NEBL: variants seen among roughly 807,000 people sequenced by gnomAD.
NEBL encodes the protein nebulette, also known as LIM and SH3 protein 2.
NEBL carries 122 observed loss-of-function variants against 140.2 expected under a neutral mutation model. The observed-to-expected ratio is 0.87, with a 90% CI of 0.75 to 1.01. The LOEUF (loss-of-function observed/expected upper bound fraction) is 1.01. Ranked by LOEUF, NEBL falls within the 50% of genes least tolerant of loss-of-function variation. The probability of loss-of-function intolerance (pLI) is 0.00; values close to 1 mark genes in which losing one functional copy is unlikely to be tolerated. For synonymous variants in NEBL, 436 were observed against 398.9 expected (o/e 1.09, Z -1.11); for missense variants, 1,365 against 1,231.3 (o/e 1.11, Z -1.62).
chr10:21,198,436 C>T (rs1454038875), intron 3 of NEBL, among the ~76,000 whole-genome samples: 2 of 152,226 alleles, frequency 1.3e-5, no homozygotes, highest in African/African-American at 2.4e-5. Context: ...GTGCACACAG[C>T]ATCCTGCTGA....
intron 3 of NEBL, among the ~76,000 whole-genome samples, chr10:21,002,134 A>T (rs2131717007): frequency 6.6e-6 from 1 of 152,190 alleles, no homozygotes; most frequent in Non-Finnish European, 1.5e-5. Flanking sequence ...AGACAAGAGG[A>T]AGATATCCTT....
intron 2 of NEBL, among the ~76,000 whole-genome samples, chr10:21,119,425 AC>A (rs1838421887): frequency 2.5e-5 from 3 of 118,432 alleles, no homozygotes; most frequent in African/African-American, 1.5e-4. Flanking sequence ...TTTGTAATAT[AC>A]TTAATATAAC....
intron 4 of NEBL, among the ~76,000 whole-genome samples, chr10:20,956,405 C>T (rs1589073205): frequency 6.6e-6 from 1 of 152,016 alleles, no homozygotes; most frequent in East Asian, 1.9e-4. Context: ...AAAGATAATG[C>T]TACTGACCCC....
intron 3 of NEBL, among the ~76,000 whole-genome samples, chr10:20,986,634 A>C (rs1837268801): frequency 6.6e-6 from 1 of 152,228 alleles, no homozygotes; most frequent in Admixed American, 6.5e-5. Flanking sequence ...ATTGATGCAC[A>C]CATGTACAAT....
chr10:21,051,632 C>T (rs1014744862), intron 2 of NEBL, among the ~76,000 whole-genome samples: 2 of 151,978 alleles, frequency 1.3e-5, no homozygotes, highest in African/African-American at 4.8e-5. Flanking sequence ...AAACAAATAA[C>T]AAAATGAACA....
At chr10:20,896,273 A>G (rs1403255554) in intron 2 of NEBL, among the ~76,000 whole-genome samples, 1 of 151,858 alleles carries the variant, frequency 6.6e-6, no homozygotes, top group Non-Finnish European at 1.5e-5. Flanking sequence ...GTACTTCTTG[A>G]ATTCTAGCTT....
intron 1 of NEBL, among the ~76,000 whole-genome samples, chr10:21,281,755 G>C (rs1842996827): frequency 6.6e-6 from 1 of 152,042 alleles, no homozygotes; most frequent in South Asian, 2.1e-4. Context: ...GCATAATGAT[G>C]CACATCCCCC....
chr10:21,070,543 G>A (rs1405908174), intron 2 of NEBL, among the ~76,000 whole-genome samples: 3 of 151,950 alleles, frequency 2.0e-5, no homozygotes, highest in Non-Finnish European at 4.4e-5. Flanking sequence ...CTATCCAGTT[G>A]CCCTTAGCTT....
At chr10:20,852,734 C>T (rs1050815234) in intron 9 of NEBL, 85 bp from the exon 10 acceptor site, 3 of 1,161,168 alleles carry the variant, frequency 2.6e-6, no homozygotes, top group Middle Eastern at 2.5e-4. Context: ...CTGCACATTA[C>T]AAGCCACCAA....
At chr10:20,870,138 C>T (rs950986357) in intron 5 of NEBL, among the ~76,000 whole-genome samples, 3 of 151,750 alleles carry the variant, frequency 2.0e-5, no homozygotes, top group Non-Finnish European at 4.4e-5. Context: ...ACCAGCCTGG[C>T]CAACATGGTG....
chr10:21,267,924 C>T (rs1469456337), intron 1 of NEBL, among the ~76,000 whole-genome samples: 1 of 152,156 alleles, frequency 6.6e-6, no homozygotes, highest in East Asian at 1.9e-4. Flanking sequence ...AGGTCAGAAG[C>T]TTCATGCCTG....
chr10:20,812,965 T>TGG (rs899075205), intron 23 of NEBL, 25 bp from the exon 24 acceptor site: 1 of 1,604,444 alleles, frequency 6.2e-7, no homozygotes, highest in Non-Finnish European at 8.5e-7. Flanking sequence ...ATCATCATAC[T>TGG]GAATTTTGCG....
chr10:21,082,315 G>T (rs774569599), intron 2 of NEBL, among the ~76,000 whole-genome samples: 3 of 152,076 alleles, frequency 2.0e-5, no homozygotes, highest in Non-Finnish European at 4.4e-5. Context: ...GGGGTCTGAG[G>T]ATTAGATCAC....
chr10:21,207,845 G>A (rs1215830898), intron 3 of NEBL, among the ~76,000 whole-genome samples: 1 of 152,134 alleles, frequency 6.6e-6, no homozygotes, highest in African/African-American at 2.4e-5. Flanking sequence ...AAGATACAGG[G>A]TCCAATGGGG....
intron 3 of NEBL, among the ~76,000 whole-genome samples, chr10:21,214,587 T>C (rs1841965062): frequency 6.7e-6 from 1 of 148,782 alleles, no homozygotes; most frequent in South Asian, 2.1e-4. Flanking sequence ...CACATGCACA[T>C]TACACACACA....
intron 2 of NEBL, among the ~76,000 whole-genome samples, chr10:21,151,465 TCCTTTTCTAGC>T: frequency 6.6e-6 from 1 of 152,116 alleles, no homozygotes; most frequent in African/African-American, 2.4e-5. Flanking sequence ...CACACAAAAG[TCCTTTTCTAGC>T]CCATTAGTGC....
At chr10:21,258,087 A>C (rs894566614) in intron 1 of NEBL, among the ~76,000 whole-genome samples, 2 of 152,168 alleles carry the variant, frequency 1.3e-5, no homozygotes. Flanking sequence ...AGGGAGACTG[A>C]GTGTGAAGGA....
intron 4 of NEBL, among the ~76,000 whole-genome samples, chr10:20,909,173 A>G (rs1031749462): frequency 6.6e-6 from 1 of 151,780 alleles, no homozygotes; most frequent in Non-Finnish European, 1.5e-5. Context: ...TCTTTGCATT[A>G]TTTTAAAATA....
intron 2 of NEBL, among the ~76,000 whole-genome samples, chr10:21,099,498 C>T (rs991194943): frequency 6.6e-6 from 1 of 152,092 alleles, no homozygotes; most frequent in Non-Finnish European, 1.5e-5. Flanking sequence ...AACATATGTT[C>T]CCCCAACCAC....
Sources: allele counts gnomAD v4.1 joint callset (sites outside exome capture counted in the v4.1 genomes callset), GRCh38; gene constraint gnomAD v4.1.1; transcripts MANE v1.5; gene names NCBI Gene and HGNC (gene_info 2026-07-23, HGNC 2026-07-21).